Variants in KPNB1 observed in about 807,000 individuals in gnomAD.
KPNB1 encodes karyopherin subunit beta 1.
Under a neutral mutation model 113.0 loss-of-function variants are expected in KPNB1, and 7 were observed. The ratio of observed to expected loss-of-function variants is 0.06; its 90% CI spans 0.04 to 0.12. The LOEUF is 0.12. KPNB1 is among the 10% of genes least tolerant of loss of function. The pLI is 1.00. For missense variants in KPNB1, 400 were observed against 1,054.8 expected, an observed-to-expected ratio of 0.38 and a Z score of 8.60; for synonymous variants, 363 against 378.6, an observed-to-expected ratio of 0.96 and a Z score of 0.48.
rs1268833908 is a variant in KPNB1 at position 47,684,713 on chromosome 17, G to GAC, written c.*2310_*2311insCA. On this transcript the variant is annotated 3_prime_UTR_variant, in exon 22 of 22. Transcript: ENST00000290158. Reference sequence around the variant, plus strand: ...CATGTTTTGTTCCAGGGAAGCAGTTGATGAGTGCTGTTACTAATGCTTTCT... The same window carrying GAC: ...CATGTTTTGTTCCAGGGAAGCAGTTGACATGAGTGCTGTTACTAATGCTTTCT... The GAC allele has an allele frequency of 6.6e-6, 1 of 152,570 alleles. No individual in the cohort carries two copies. Among genetic ancestry groups the GAC allele is most frequent in the African/African-American group, 2.4e-5 (1 of 41,424 alleles). 9.5% of individuals were successfully genotyped at this position (152,570 alleles called of 1,614,324 possible). A position where few individuals can be genotyped will look rare whatever the true frequency, so the allele number is the denominator to read the frequency against.
At position 47,663,170 on chromosome 17, in the gene KPNB1, CT is replaced by C; in HGVS notation, c.783del (p.Phe261LeufsTer8). 6.8e-7 allele frequency: 1 copy of C among 1,479,528 alleles called. No individual in the cohort carries two copies. Among genetic ancestry groups the C allele is most frequent in the Non-Finnish European group, 9.5e-7 (1 of 1,057,632 alleles). The allele number at this position is 1,479,528 out of a possible 1,614,324, so 91.7% of individuals were successfully genotyped here. ...CATGGAGACATATATGGGTCCTGCT[CT>C]TTTTGCAGTAAGTATTTCTATTTAT... ...QYMETYMGPA[L>X]FAITIEAMKS... On this transcript the variant is annotated frameshift_variant, in exon 7 of 22. Coordinates refer to ENST00000290158, the MANE Select transcript of KPNB1 (RefSeq NM_002265.6). LOFTEE classifies it high-confidence loss of function.
intron 20 of KPNB1, 113 bp downstream of exon 20, chr17:47,680,247 A>G (rs1264204971): frequency 1.2e-6 from 1 of 830,788 alleles, no homozygotes; most frequent in Non-Finnish European, 2.0e-6. Flanking sequence ...CTTTTTTGGC[A>G]CAGAGATTTC....
intron 14 of KPNB1, 92 bp downstream of exon 14, chr17:47,673,653 T>A: frequency 1.0e-6 from 1 of 953,902 alleles, no homozygotes; most frequent in Non-Finnish European, 1.7e-6. Context: ...AACTCGAAAA[T>A]GGTATAGATG....
chr17:47,675,134 G>A (rs953934862), intron 15 of KPNB1, among the ~76,000 whole-genome samples: 3 of 151,790 alleles, frequency 2.0e-5, no homozygotes, highest in Admixed American at 2.0e-4. Flanking sequence ...TTGTTTGTGT[G>A]TGAAGATAGG....
chr17:47,658,787 C>T (rs1049151871), intron 5 of KPNB1, 127 bp downstream of exon 5: 23 of 758,804 alleles, frequency 3.0e-5, no homozygotes, highest in Non-Finnish European at 4.4e-5. Flanking sequence ...GTATTTGTTT[C>T]CAGTTTAGTC....
At position 47,650,516 on chromosome 17, in the gene KPNB1, G is replaced by A. The variant is rs1356511331; in HGVS notation, c.99+72G>A. 3.2e-5 allele frequency: 44 copies of A among 1,380,484 alleles called. No homozygotes were observed. The Admixed American group carries it at 8.3e-4, about 26-fold the overall frequency. 85.5% of individuals were successfully genotyped at this position (1,380,484 alleles called of 1,614,324 possible). On this transcript the variant is annotated intron_variant, in intron 2 of 21. Coordinates refer to ENST00000290158, the MANE Select transcript of KPNB1 (RefSeq NM_002265.6). ...GCGTGCGGGGCCTTCCCGCCCTCCC[G>A]GAGGCCCAGGCCTCGGGAACCTACC... is the stretch of plus-strand genomic sequence containing the variant.
At chr17:47,651,693 CT>C (rs1174251880) in intron 2 of KPNB1, among the ~76,000 whole-genome samples, 1 of 152,184 alleles carries the variant, frequency 6.6e-6, no homozygotes, top group Non-Finnish European at 1.5e-5. Context: ...ATTAATAAAA[CT>C]TTTAAGAATT....
chr17:47,665,492 T>G (rs1732889992), intron 9 of KPNB1, among the ~76,000 whole-genome samples: 2 of 152,198 alleles, frequency 1.3e-5, no homozygotes, highest in Non-Finnish European at 1.5e-5. Flanking sequence ...TGTGCTGGTT[T>G]TAGGCCACTT....
chr17:47,674,927 C>T, intron 15 of KPNB1, 145 bp downstream of exon 15: 1 of 743,808 alleles, frequency 1.3e-6, no homozygotes, highest in Non-Finnish European at 2.2e-6. Flanking sequence ...CATGATCCTT[C>T]CACTTCAGTG....
intron 5 of KPNB1, 27 bp from the exon 6 acceptor site, chr17:47,661,092 T>C: frequency 6.3e-7 from 1 of 1,584,296 alleles, no homozygotes; most frequent in Non-Finnish European, 8.7e-7. Context: ...GCTCTCCTAA[T>C]TCTCTTTATT....
intron 12 of KPNB1, 152 bp downstream of exon 12, chr17:47,670,984 G>A (rs1007190543): frequency 1.7e-5 from 12 of 700,392 alleles, no homozygotes; most frequent in Non-Finnish European, 2.4e-5. Flanking sequence ...CGCTGGGCGC[G>A]GTGGCTCACG....
intron 5 of KPNB1, among the ~76,000 whole-genome samples, chr17:47,660,184 C>T (rs114195093): frequency 3.4e-3 from 512 of 152,168 alleles, no homozygotes; most frequent in South Asian, 0.015. Flanking sequence ...ACTACTCTAA[C>T]GAAATACCTT....
chr17:47,667,850 G>A lies in KPNB1; in HGVS notation c.1000-336G>A, dbSNP rs1486446811. 3.3e-5 allele frequency among the ~76,000 whole-genome samples: 5 copies of A among 152,062 alleles called. No individual in the cohort carries two copies. In the South Asian group the frequency reaches 1.0e-3, roughly 32 times the overall value. On this transcript the variant is annotated intron_variant, in intron 9 of 21. Transcript: ENST00000290158. ...TGGGATTACAGGCATGAGCCACCGC[G>A]CCTGGCCGATTTTGGACTTTACATA...
At chr17:47,677,796 T>C (rs558908467) in intron 17 of KPNB1, among the ~76,000 whole-genome samples, 1 of 152,346 alleles carries the variant, frequency 6.6e-6, no homozygotes, top group East Asian at 1.9e-4. Context: ...TCATTAATTA[T>C]TGTACATGTG....
chr17:47,650,321 T>TGGGGTG, intron 1 of KPNB1, 37 bp downstream of exon 1: 1 of 1,610,128 alleles, frequency 6.2e-7, no homozygotes, highest in Non-Finnish European at 8.5e-7. Flanking sequence ...CTGAGGTGAT[T>TGGGGTG]GGGGTGGGGG....
intron 14 of KPNB1, 93 bp from the exon 15 acceptor site, chr17:47,674,545 C>A: frequency 7.9e-7 from 1 of 1,260,706 alleles, no homozygotes; most frequent in East Asian, 2.4e-5. Context: ...TAAAAAATAT[C>A]AAGGGACTTA....
rs1417663015 is a variant in KPNB1, at chr17:47,652,730, A to C, written c.136A>C (p.Asn46His). ...TGTGGAACTGTCCAGAGTGCTGGCA[A>C]ATCCAGGAAACAGTCAGGTTGCCAG... ...FLVELSRVLA[N>H]PGNSQVARVA... The change falls in exon 3 of 22, where the codon AAT becomes CAT. Residue 46 changes from asparagine (N) to histidine (H), a missense_variant. Physicochemically the swap from Asn to His is moderately conservative, Grantham distance 68 (BLOSUM62 1). Coordinates refer to ENST00000290158, the MANE Select transcript of KPNB1 (RefSeq NM_002265.6). The C allele has an allele frequency of 6.2e-7, 1 of 1,611,594 alleles. No homozygotes were observed. The highest frequency in any genetic ancestry group is 1.7e-5 in the Admixed American group (1 of 59,228).
intron 9 of KPNB1, among the ~76,000 whole-genome samples, chr17:47,666,459 A>ATATAT (rs2030278267): frequency 7.2e-6 from 1 of 139,452 alleles, no homozygotes; most frequent in African/African-American, 2.6e-5. Flanking sequence ...ATATTATGTT[A>ATATAT]TATATATTTT....
chr17:47,663,834 A>G (rs2030183012), intron 7 of KPNB1, among the ~76,000 whole-genome samples: 1 of 151,910 alleles, frequency 6.6e-6, no homozygotes, highest in Non-Finnish European at 1.5e-5. Context: ...AAAATACAAA[A>G]ATAAGCTGGG....
Sources: allele counts gnomAD v4.1 joint callset (sites outside exome capture counted in the v4.1 genomes callset), GRCh38; gene constraint gnomAD v4.1.1; transcripts MANE v1.5; gene names NCBI Gene and HGNC (gene_info 2026-07-23, HGNC 2026-07-21).